The following MAPKAP1 variants were observed in gnomAD, a reference collection of about 807,000 sequenced individuals.
MAPKAP1 encodes MAPK associated protein 1, also known as target of rapamycin complex 2 subunit MAPKAP1.
MAPKAP1 carries 20 observed loss-of-function variants against 65.7 expected under a neutral mutation model. The ratio of observed to expected loss-of-function variants is 0.30; its 90% CI spans 0.21 to 0.44. The LOEUF is 0.44. MAPKAP1 is among the 20% of genes least tolerant of loss of function. The pLI is 1.00. For missense variants in MAPKAP1, 423 were observed against 648.0 expected, an observed-to-expected ratio of 0.65 and a Z score of 3.77; for synonymous variants, 222 against 244.3, an observed-to-expected ratio of 0.91 and a Z score of 0.85.
intron 6 of MAPKAP1, among the ~76,000 whole-genome samples, chr9:125,546,804 G>C (rs1242424081): frequency 3.3e-5 from 5 of 152,168 alleles, no homozygotes; most frequent in Admixed American, 2.6e-4. Flanking sequence ...AGCTGTGGCG[G>C]GGTGATCAGC....
intron 6 of MAPKAP1, among the ~76,000 whole-genome samples, chr9:125,550,837 G>A (rs1019884888): frequency 2.0e-5 from 3 of 152,242 alleles, no homozygotes; most frequent in Admixed American, 6.5e-5. Context: ...ACAACACACA[G>A]TTGGTCCTCT....
intron 4 of MAPKAP1, among the ~76,000 whole-genome samples, chr9:125,587,446 T>C (rs771894659): frequency 1.1e-4 from 17 of 152,024 alleles, no homozygotes; most frequent in Non-Finnish European, 1.8e-4. Context: ...GGCGCCTGTA[T>C]TGCCAGCTAC....
In MAPKAP1 at chr9:125,553,055, A is replaced by G. The variant is rs555733331; in HGVS notation, c.848+6578T>C. ...AAAGCAAAATTATATGTGTCACCAC[A>G]TATTTTATATATGTCACTGTGTGTG... On this transcript the variant is annotated intron_variant, in intron 6 of 11. Coordinates refer to ENST00000265960, the MANE Select transcript of MAPKAP1 (RefSeq NM_001006617.3). 1.3e-3 allele frequency among the ~76,000 whole-genome samples: 195 copies of G among 152,262 alleles called. 1 individual carries two copies. The highest frequency in any genetic ancestry group is 4.4e-3 in the African/African-American group (184 of 41,544).
intron 5 of MAPKAP1, among the ~76,000 whole-genome samples, chr9:125,583,378 T>C (rs1831682466): frequency 6.6e-6 from 1 of 152,236 alleles, no homozygotes; most frequent in African/African-American, 2.4e-5. Flanking sequence ...TTGCACGTAA[T>C]TGTATTATAT....
chr9:125,458,217 CTTT>C (rs35230535), intron 10 of MAPKAP1, among the ~76,000 whole-genome samples: 30 of 133,758 alleles, frequency 2.2e-4, no homozygotes, highest in South Asian at 2.4e-4. Context: ...CATATGGAGT[CTTT>C]TTTTTTTTTT....
chr9:125,570,731 T>C (rs1831203554), intron 5 of MAPKAP1, among the ~76,000 whole-genome samples: 1 of 152,178 alleles, frequency 6.6e-6, no homozygotes. Flanking sequence ...TATTGAAGGA[T>C]TGTTTTAAGT....
At chr9:125,590,038 T>C (rs764498061) in intron 4 of MAPKAP1, among the ~76,000 whole-genome samples, 5 of 152,224 alleles carry the variant, frequency 3.3e-5, no homozygotes, top group Non-Finnish European at 7.3e-5. Context: ...GCCCTCATAT[T>C]ACCCTCCTTT....
Position 125,445,514 on chromosome 9 carries a change from C to A in MAPKAP1, c.1346-916G>T, listed in dbSNP as rs569279575. 8.8e-4 allele frequency among the ~76,000 whole-genome samples: 134 copies of A among 152,384 alleles called. 1 individual carries two copies. The highest frequency in any genetic ancestry group is 3.0e-3 in the African/African-American group (124 of 41,594). On this transcript the variant is annotated intron_variant, in intron 10 of 11. Coordinates refer to ENST00000265960, the MANE Select transcript of MAPKAP1 (RefSeq NM_001006617.3). The stretch of plus-strand genomic sequence containing the variant: ...CATAACCACACTTCTAGGCGCACTT[C>A]TTGTGTGGGCCTACCACACGGTACC...
intron 5 of MAPKAP1, among the ~76,000 whole-genome samples, chr9:125,563,602 G>C (rs1830957262): frequency 6.6e-6 from 1 of 152,140 alleles, no homozygotes; most frequent in Non-Finnish European, 1.5e-5. Flanking sequence ...ACTTACTAAA[G>C]AGTAAAATGA....
At chr9:125,579,952 T>G (rs954113095) in intron 5 of MAPKAP1, among the ~76,000 whole-genome samples, 1 of 152,200 alleles carries the variant, frequency 6.6e-6, no homozygotes, top group African/African-American at 2.4e-5. Context: ...TTTAAAAATG[T>G]CATATAATTG....
chr9:125,505,424 CAA>C (rs34967100), intron 8 of MAPKAP1, among the ~76,000 whole-genome samples: 1 of 145,706 alleles, frequency 6.9e-6, no homozygotes, highest in African/African-American at 2.6e-5. Flanking sequence ...GACTCCGTCT[CAA>C]AAAAAAAAGA....
chr9:125,620,527 G>C (rs148568074), intron 4 of MAPKAP1, among the ~76,000 whole-genome samples: 1 of 152,062 alleles, frequency 6.6e-6, no homozygotes, highest in Admixed American at 6.6e-5. Context: ...ACATATAATC[G>C]CACATGCACA....
chr9:125,573,059 C>T (rs1254147968), intron 5 of MAPKAP1: 3 of 144,822 alleles, frequency 2.1e-5, no homozygotes, highest in East Asian at 4.1e-4. Flanking sequence ...GATCTTCATC[C>T]CTCTGCAACT....
intron 7 of MAPKAP1, among the ~76,000 whole-genome samples, chr9:125,506,713 T>C (rs1016815615): frequency 6.6e-6 from 1 of 152,234 alleles, no homozygotes; most frequent in African/African-American, 2.4e-5. Context: ...GCAGGTCACC[T>C]ACCCTCTCTG....
intron 9 of MAPKAP1, among the ~76,000 whole-genome samples, chr9:125,477,924 A>C (rs1854169750): frequency 6.6e-6 from 1 of 152,232 alleles, no homozygotes; most frequent in South Asian, 2.1e-4. Flanking sequence ...CTTGAAGGAC[A>C]TCTGTACTTT....
chr9:125,449,348 C>T (rs1315024892), intron 10 of MAPKAP1, among the ~76,000 whole-genome samples: 5 of 151,968 alleles, frequency 3.3e-5, no homozygotes, highest in African/African-American at 1.2e-4. Context: ...GGTGGTCATT[C>T]ATTTAACTAT....
chr9:125,577,584 T>A (rs369809138), intron 5 of MAPKAP1, among the ~76,000 whole-genome samples: 1 of 18,034 alleles, frequency 5.5e-5, no homozygotes, highest in Non-Finnish European at 1.1e-4. Context: ...CCCCCCGCCC[T>A]GCCAGCCGCC....
chr9:125,488,651 T>C (rs141676292), intron 8 of MAPKAP1, among the ~76,000 whole-genome samples: 198 of 152,302 alleles, frequency 1.3e-3, no homozygotes, highest in African/African-American at 4.7e-3. Context: ...CAGCCTCCAG[T>C]GTCATTTCTC....
chr9:125,507,806 T>C (rs1829186527), intron 7 of MAPKAP1, among the ~76,000 whole-genome samples: 1 of 152,226 alleles, frequency 6.6e-6, no homozygotes, highest in South Asian at 2.1e-4. Flanking sequence ...ATACACTATA[T>C]TTATATCAAA....
Sources: gnomAD v4.1 joint callset for allele counts (sites outside exome capture counted in the v4.1 genomes callset) on GRCh38, gnomAD v4.1.1 for gene constraint, MANE v1.5 for transcripts, NCBI Gene and HGNC (gene_info 2026-07-23, HGNC 2026-07-21) for gene names.